ZNF778: variants seen among roughly 807,000 people sequenced by gnomAD.
The protein encoded by ZNF778 is zinc finger protein 778.
In ZNF778, 37 loss-of-function variants were observed where a neutral mutation model predicts 23.9. That is an observed-to-expected ratio of 1.54 (90% CI 1.19 to 2.03). ZNF778 has a LOEUF of 2.03. Among genes scored for constraint, ZNF778 ranks in the 30% most tolerant of loss-of-function variants. The pLI is 0.00. For missense variants in ZNF778, 1,297 were observed against 934.4 expected, an observed-to-expected ratio of 1.39 and a Z score of -5.06; for synonymous variants, 483 against 343.9, an observed-to-expected ratio of 1.40 and a Z score of -4.48.
At chr16:89,224,251 C>T (rs575596460) in intron 4 of ZNF778, among the ~76,000 whole-genome samples, 2 of 151,876 alleles carry the variant, frequency 1.3e-5, no homozygotes, top group South Asian at 2.1e-4. Flanking sequence ...CTCTGGGATG[C>T]TGGACGCAGT....
rs776462447 is a variant in ZNF778, at chr16:89,227,965, G to T, written c.1677G>T (p.Lys559Asn). The change falls in exon 7 of 7, where the codon AAG becomes AAT. Residue 559 changes from lysine to asparagine, a missense_variant. Lys to Asn is a moderately conservative substitution (Grantham distance 94). Coordinates refer to ENST00000433976, the MANE Select transcript of ZNF778 (RefSeq NM_001201407.2). ...ATGTGAAAACTCACACAGAGGAGAA[G>T]CCCTTTATATGTACGGTATGCAGGA... The part of the protein sequence containing the change: ...NEHVKTHTEE[K>N]PFICTVCRKS... 1.9e-6 allele frequency: 3 copies of T among 1,589,934 alleles called. No individual in the cohort carries two copies. The highest frequency in any genetic ancestry group is 2.6e-6 in the Non-Finnish European group (3 of 1,165,164).
chr16:89,227,557 C>T lies in ZNF778; in HGVS notation c.1269C>T (p.Cys423=), dbSNP rs1447340581. The change falls in exon 7 of 7, where the codon TGC becomes TGT. Residue 423 remains cysteine, a synonymous_variant. Coordinates refer to ENST00000433976, the MANE Select transcript of ZNF778 (RefSeq NM_001201407.2). ...ACACTGGAATAAAACCCTATACATGCAGCTACTGTGGGAAGGCCTTCACTG... is the reference window on the plus strand; with the variant it reads ...ACACTGGAATAAAACCCTATACATGTAGCTACTGTGGGAAGGCCTTCACTG... The part of the protein sequence containing the change: ...RIHTGIKPYT[C]SYCGKAFTVR... 4 of 1,613,970 alleles carry T rather than the reference C, an allele frequency of 2.5e-6. No homozygotes were observed. Among genetic ancestry groups the T allele is most frequent in the Non-Finnish European group, 3.4e-6 (4 of 1,180,006 alleles).
At chr16:89,220,907 T>A (rs951736969) in intron 1 of ZNF778, 90 bp from the exon 2 acceptor site, 1 of 558,966 alleles carries the variant, frequency 1.8e-6, no homozygotes, top group African/African-American at 1.9e-5. Context: ...AAAGTGGATA[T>A]AGTGGCTTTC....
rs201665506 is a variant in ZNF778, at chr16:89,221,105, G to C, written c.-23G>C. 5.7e-5 allele frequency: 89 copies of C among 1,564,784 alleles called. No individual in the cohort carries two copies. Among genetic ancestry groups the C allele is most frequent in the East Asian group, 1.7e-4 (7 of 42,050 alleles). On this transcript the variant is annotated 5_prime_UTR_variant, in exon 2 of 7. Coordinates refer to ENST00000433976, the MANE Select transcript of ZNF778 (RefSeq NM_001201407.2). Reference sequence around the variant, plus strand: ...CTTGGCTTCAGGAAAGGAGCATTCAGACGCTTCCGTCAGCCTCCCAGGATG... The same window carrying C: ...CTTGGCTTCAGGAAAGGAGCATTCACACGCTTCCGTCAGCCTCCCAGGATG...
Position 89,228,761 on chromosome 16 carries a change from T to A in ZNF778, c.*199T>A. ...CCCTCAGTGTTCTCTAAGGTCTTGC[T>A]GAATATGGATGGTATCCAGTAGAGA... is the stretch of plus-strand genomic sequence containing the variant. On this transcript the variant is annotated 3_prime_UTR_variant, in exon 7 of 7. Transcript: ENST00000433976. 7.2e-7 allele frequency: 1 copy of A among 1,383,502 alleles called. No homozygotes were observed. The highest frequency in any genetic ancestry group is 1.7e-5 in the South Asian group (1 of 57,760). The allele number at this position is 1,383,502 out of a possible 1,614,324, so 85.7% of individuals were successfully genotyped here.
At position 89,224,768 on chromosome 16, in the gene ZNF778, G is replaced by A. The variant is rs1330792816; in HGVS notation, c.294G>A (p.Glu98=). Residue 98 remains glutamate (E), a synonymous_variant, in exon 5 of 7, where the codon GAG becomes GAA. Coordinates refer to ENST00000433976, the MANE Select transcript of ZNF778 (RefSeq NM_001201407.2). ...TGATCTATTGGCTGGAGCAGGAAGA[G>A]GAGTTGAGGGCAGGGCGGAGAGCAG... is the stretch of plus-strand genomic sequence containing the variant. ...PSVIYWLEQE[E]ELRAGRRAVL... The A allele has an allele frequency of 4.6e-6, 7 of 1,530,206 alleles. No homozygotes were observed. In the African/African-American group the frequency reaches 8.3e-5, roughly 18 times the overall value. The allele number at this position is 1,530,206 out of a possible 1,614,324, so 94.8% of individuals were successfully genotyped here.
rs573301507 is a variant in ZNF778, at chr16:89,228,119, C to G, written c.1831C>G (p.His611Asp). The change falls in exon 7 of 7, where the codon CAC becomes GAC. Residue 611 changes from histidine (H) to aspartate (D), a missense_variant. Coordinates refer to ENST00000433976, the MANE Select transcript of ZNF778 (RefSeq NM_001201407.2). Reference sequence around the variant, plus strand: ...GAGCCTAACCGAGCACATACGAACTCACACTGGAGAGAAACCTTATGAATG... The same window carrying G: ...GAGCCTAACCGAGCACATACGAACTGACACTGGAGAGAAACCTTATGAATG... ...SSSLTEHIRT[H>D]TGEKPYECKV... The G allele has an allele frequency of 2.2e-5, 36 of 1,613,146 alleles. No homozygotes were observed. The South Asian group carries it at 3.6e-4, about 16-fold the overall frequency.
At chr16:89,221,173 T>C (rs763623151) in intron 2 of ZNF778, 21 bp downstream of exon 2, 39 of 1,550,088 alleles carry the variant, frequency 2.5e-5, no homozygotes, top group Non-Finnish European at 2.9e-5. Context: ...GTGGGGCTCC[T>C]TCTCAGAGCC....
chr16:89,218,643 T>G (rs953278119), intron 1 of ZNF778, among the ~76,000 whole-genome samples: 1 of 151,056 alleles, frequency 6.6e-6, no homozygotes, highest in Non-Finnish European at 1.5e-5. Flanking sequence ...TACAAAAAAT[T>G]AGCCGGGCGT....
chr16:89,227,917 T>C lies in ZNF778; in HGVS notation c.1629T>C (p.Asn543=), dbSNP rs2031644898. The change falls in exon 7 of 7, where the codon AAT becomes AAC. Residue 543 remains asparagine, a synonymous_variant. Coordinates refer to ENST00000433976, the MANE Select transcript of ZNF778 (RefSeq NM_001201407.2). ...YECKDCGKAY[N]RVYLLNEHVK... Reference sequence around the variant, plus strand: ...GTAAGGACTGTGGGAAAGCCTACAATAGGGTTTATCTACTGAATGAGCATG... The same window carrying C: ...GTAAGGACTGTGGGAAAGCCTACAACAGGGTTTATCTACTGAATGAGCATG... The C allele has an allele frequency of 6.2e-7, 1 of 1,614,106 alleles. No homozygotes were observed. Among genetic ancestry groups the C allele is most frequent in the Non-Finnish European group, 8.5e-7 (1 of 1,180,018 alleles).
intron 2 of ZNF778, among the ~76,000 whole-genome samples, chr16:89,221,493 C>G (rs1349441344): frequency 6.6e-6 from 1 of 152,106 alleles, no homozygotes; most frequent in African/African-American, 2.4e-5. Flanking sequence ...ACAGACTACC[C>G]TGGCACTGTA....
At chr16:89,221,959 G>A (rs560334429) in intron 2 of ZNF778, 133 bp from the exon 3 acceptor site, 1 of 577,432 alleles carries the variant, frequency 1.7e-6, no homozygotes. Context: ...GTATATCTGT[G>A]TGTGTGCGTT....
At position 89,227,102 on chromosome 16, in the gene ZNF778, G is replaced by A. The variant is rs1366513497; in HGVS notation, c.814G>A (p.Val272Ile). The change falls in exon 7 of 7, where the codon GTT (valine) becomes ATT (isoleucine). Residue 272 changes from valine to isoleucine, a missense_variant. Transcript: ENST00000433976. Reference protein sequence around the residue: ...LTHSMGCATPVEMHAVRNPHV... With the variant: ...LTHSMGCATPIEMHAVRNPHV... ...TCACTCCATGGGCTGCGCCACACCT[G>A]TTGAAATGCATGCCGTCAGGAATCC... 6.2e-7 allele frequency: 1 copy of A among 1,613,928 alleles called. No individual in the cohort carries two copies. Among genetic ancestry groups the A allele is most frequent in the African/African-American group, 1.3e-5 (1 of 74,930 alleles).
chr16:89,217,714 C>A lies in ZNF778; in HGVS notation c.-328C>A, dbSNP rs965351508. 1 of 152,286 alleles carries A rather than the reference C, an allele frequency of 6.6e-6. No homozygotes were observed. Among genetic ancestry groups the A allele is most frequent in the Admixed American group, 6.5e-5 (1 of 15,292 alleles). The allele number at this position is 152,286 out of a possible 1,614,324, so 9.4% of individuals were successfully genotyped here. A position where few individuals can be genotyped will look rare whatever the true frequency, so the allele number is the denominator to read the frequency against. Reference sequence around the variant, plus strand: ...GGCCCCGCCTCCGCCTGTCTTACAGCTGATCCGGTTCTTGCGGCGGTGCGT... The same window carrying A: ...GGCCCCGCCTCCGCCTGTCTTACAGATGATCCGGTTCTTGCGGCGGTGCGT... On this transcript the variant is annotated 5_prime_UTR_variant, in exon 1 of 7. In the 5' UTR this introduces an upstream ATG that the reference lacks. Transcript: ENST00000433976.
rs370133838 is a variant in ZNF778 at position 89,221,039 on chromosome 16, C to T, written c.-89C>T. ...ATCCGTGGGTCAGGAGGAATGGAGACTGTACCTTCCACATAGATTCACAAG... is the reference window on the plus strand; with the variant it reads ...ATCCGTGGGTCAGGAGGAATGGAGATTGTACCTTCCACATAGATTCACAAG... On this transcript the variant is annotated 5_prime_UTR_variant, in exon 2 of 7. Coordinates refer to ENST00000433976, the MANE Select transcript of ZNF778 (RefSeq NM_001201407.2). 10 of 1,456,356 alleles carry T rather than the reference C, an allele frequency of 6.9e-6. No individual in the cohort carries two copies. Among genetic ancestry groups the T allele is most frequent in the African/African-American group, 5.6e-5 (4 of 71,142 alleles). 90.2% of individuals were successfully genotyped at this position (1,456,356 alleles called of 1,614,324 possible).
intron 1 of ZNF778, among the ~76,000 whole-genome samples, chr16:89,219,598 A>G (rs117567261): frequency 0.022 from 3,323 of 151,660 alleles, 130 homozygotes; most frequent in East Asian, 0.17. Flanking sequence ...GAAATCCCAG[A>G]GGGTTGTGCT....
chr16:89,227,936 G>T lies in ZNF778; in HGVS notation c.1648G>T (p.Glu550Ter). The change falls in exon 7 of 7, where the codon GAG becomes TAG. Residue 550 changes from glutamate to a stop codon, truncating the protein, a stop_gained. Coordinates refer to ENST00000433976, the MANE Select transcript of ZNF778 (RefSeq NM_001201407.2). LOFTEE classifies it low-confidence loss of function (END_TRUNC). The stretch of plus-strand genomic sequence containing the variant: ...CTACAATAGGGTTTATCTACTGAAT[G>T]AGCATGTGAAAACTCACACAGAGGA... Reference protein sequence around the residue: ...KAYNRVYLLNEHVKTHTEEKP... With the variant: ...KAYNRVYLLN 1 of 1,590,322 alleles carries T rather than the reference G, an allele frequency of 6.3e-7. No homozygotes were observed. Among genetic ancestry groups the T allele is most frequent in the South Asian group, 1.1e-5 (1 of 88,216 alleles).
intron 6 of ZNF778, 103 bp downstream of exon 6, chr16:89,225,734 T>A (rs2151634176): frequency 2.8e-6 from 3 of 1,072,324 alleles, no homozygotes; most frequent in Non-Finnish European, 4.1e-6. Flanking sequence ...AGAAGCAGGA[T>A]TCACTCAGGC....
In ZNF778 at chr16:89,232,861, T is replaced by C. The variant is rs1387313161; in HGVS notation, c.*4299T>C. 1 of 1,220,182 alleles carries C rather than the reference T, an allele frequency of 8.2e-7. No individual in the cohort carries two copies. Among genetic ancestry groups the C allele is most frequent in the African/African-American group, 2.4e-5 (1 of 41,922 alleles). The allele number at this position is 1,220,182 out of a possible 1,614,324, so 75.6% of individuals were successfully genotyped here. Reference sequence around the variant, plus strand: ...ACTCAACTCACACCGTGTATGCAAATCAACTCGCACTGCGTATGCAACTCA... The same window carrying C: ...ACTCAACTCACACCGTGTATGCAAACCAACTCGCACTGCGTATGCAACTCA... On this transcript the variant is annotated 3_prime_UTR_variant, in exon 7 of 7. Coordinates refer to ENST00000433976, the MANE Select transcript of ZNF778 (RefSeq NM_001201407.2).
Sources: gnomAD v4.1 joint callset for allele counts (sites outside exome capture counted in the v4.1 genomes callset) on GRCh38, gnomAD v4.1.1 for gene constraint, MANE v1.5 for transcripts, NCBI Gene and HGNC (gene_info 2026-07-23, HGNC 2026-07-21) for gene names.